Variants in RYR3 observed in about 807,000 individuals in gnomAD.
RYR3 encodes the protein ryanodine receptor 3.
In RYR3, 207 loss-of-function variants were observed where a neutral mutation model predicts 584.3. That is an observed-to-expected ratio of 0.35 (90% confidence interval 0.32 to 0.40). The LOEUF (loss-of-function observed/expected upper bound fraction) is 0.40, where lower values mean the gene tolerates loss of function less well. RYR3 is among the 10% of genes least tolerant of loss of function. The pLI is 1.00. For missense variants in RYR3, 5,616 were observed against 6,089.2 expected, an observed-to-expected ratio of 0.92 and a Z score of 2.59; for synonymous variants, 2,416 against 2,248.5, an observed-to-expected ratio of 1.07 and a Z score of -2.11.
chr15:33,836,841 G>T, intron 87 of RYR3, 65 bp from the exon 88 acceptor site: 1 of 1,320,636 alleles, frequency 7.6e-7, no homozygotes, highest in Non-Finnish European at 1.1e-6. Context: ...GGCTCTTCTC[G>T]CTCACTGCCC....
intron 77 of RYR3, 85 bp from the exon 78 acceptor site, chr15:33,820,671 C>A (rs2077056852): frequency 3.3e-6 from 4 of 1,217,666 alleles, no homozygotes; most frequent in Non-Finnish European, 4.7e-6. Context: ...TACGTCCTGT[C>A]CCCTGCCCTT....
intron 2 of RYR3, among the ~76,000 whole-genome samples, chr15:33,475,809 C>A (rs572148686): frequency 6.6e-6 from 1 of 152,126 alleles, no homozygotes; most frequent in South Asian, 2.1e-4. Flanking sequence ...CAAATGGGTT[C>A]GTAAATCGCC....
At chr15:33,791,236 A>G (rs116885946) in intron 67 of RYR3, among the ~76,000 whole-genome samples, 263 of 152,320 alleles carry the variant, frequency 1.7e-3, no homozygotes, top group African/African-American at 5.8e-3. Flanking sequence ...GAAGGATCCA[A>G]TAGAGATGGG....
At chr15:33,587,414 C>T (rs1029778597) in intron 16 of RYR3, among the ~76,000 whole-genome samples, 2 of 152,168 alleles carry the variant, frequency 1.3e-5, no homozygotes, top group African/African-American at 2.4e-5. Context: ...ATTATTAGAA[C>T]ACATAGTGTA....
intron 38 of RYR3, among the ~76,000 whole-genome samples, chr15:33,684,836 A>G (rs1005563098): frequency 6.6e-6 from 1 of 152,252 alleles, no homozygotes; most frequent in Admixed American, 6.5e-5. Flanking sequence ...ATTTCATTCC[A>G]GCCAAACTAA....
At chr15:33,801,262 C>G (rs912045734) in intron 68 of RYR3, among the ~76,000 whole-genome samples, 22 of 152,168 alleles carry the variant, frequency 1.4e-4, no homozygotes, top group East Asian at 7.7e-4. Flanking sequence ...GAAACGGTGT[C>G]TGAGTTAAGA....
intron 7 of RYR3, 83 bp from the exon 8 acceptor site, chr15:33,543,539 C>A: frequency 1.1e-6 from 1 of 879,058 alleles, no homozygotes; most frequent in Admixed American, 1.7e-5. Context: ...TGGCTCAGAC[C>A]TGTGTGAATT....
intron 64 of RYR3, among the ~76,000 whole-genome samples, chr15:33,778,616 C>A (rs7169875): frequency 0.018 from 2,788 of 152,298 alleles, 94 homozygotes; most frequent in African/African-American, 0.064. Context: ...TGGCCTGGGG[C>A]CTGCCCAGAA....
At chr15:33,316,696 G>A (rs1425562737) in intron 1 of RYR3, among the ~76,000 whole-genome samples, 1 of 152,168 alleles carries the variant, frequency 6.6e-6, no homozygotes, top group Non-Finnish European at 1.5e-5. Context: ...AGAGGCAATA[G>A]TCATTCCAAA....
Position 33,580,176 on chromosome 15 carries a change from T to C in RYR3, c.1437+32T>C, listed in dbSNP as rs1228106955. ...CGAAAAATGAAAAGTTGAAATTCACTTAGTGTCCAGAGCTAGAATATCCCT... is the reference window on the plus strand; with the variant it reads ...CGAAAAATGAAAAGTTGAAATTCACCTAGTGTCCAGAGCTAGAATATCCCT... On this transcript the variant is annotated intron_variant, in intron 13 of 103. Coordinates refer to ENST00000634891, the MANE Select transcript of RYR3 (RefSeq NM_001036.6). 2.0e-6 allele frequency: 3 copies of C among 1,528,466 alleles called. No individual in the cohort carries two copies. In the South Asian group the frequency reaches 3.6e-5, roughly 19 times the overall value. The allele number at this position is 1,528,466 out of a possible 1,614,324, so 94.7% of individuals were successfully genotyped here.
At chr15:33,739,496 G>A (rs1253585219) in intron 50 of RYR3, among the ~76,000 whole-genome samples, 2 of 147,244 alleles carry the variant, frequency 1.4e-5, no homozygotes, top group African/African-American at 2.6e-5. Context: ...ACCATCCTTA[G>A]CAGACAAGTT....
At chr15:33,330,766 A>G (rs1970285302) in intron 1 of RYR3, among the ~76,000 whole-genome samples, 1 of 152,192 alleles carries the variant, frequency 6.6e-6, no homozygotes, top group Non-Finnish European at 1.5e-5. Flanking sequence ...GAGGTACTCT[A>G]GTCCCAGGGT....
At chr15:33,737,229 G>A (rs2069565883) in intron 49 of RYR3, among the ~76,000 whole-genome samples, 1 of 152,178 alleles carries the variant, frequency 6.6e-6, no homozygotes, top group Non-Finnish European at 1.5e-5. Context: ...AAAGTGCTGG[G>A]ATTACAGCAG....
intron 2 of RYR3, among the ~76,000 whole-genome samples, chr15:33,501,332 G>A (rs914818465): frequency 2.0e-5 from 3 of 152,172 alleles, no homozygotes; most frequent in Non-Finnish European, 4.4e-5. Flanking sequence ...ACACAGGAAG[G>A]AAAGCAAGCT....
At chr15:33,313,954 TTA>T (rs775598079) in intron 1 of RYR3, among the ~76,000 whole-genome samples, 5 of 152,218 alleles carry the variant, frequency 3.3e-5, no homozygotes, top group Non-Finnish European at 7.3e-5. Context: ...TGAGCCAGAA[TTA>T]CTGCAGTAAC....
At chr15:33,851,101 C>T (rs908294831) in intron 94 of RYR3, 1 of 152,104 alleles carries the variant, frequency 6.6e-6, no homozygotes, top group Admixed American at 6.5e-5. Flanking sequence ...AAAGCTGTAG[C>T]ATTTTCCATT....
chr15:33,436,609 T>G lies in RYR3; in HGVS notation c.52-36810T>G, dbSNP rs192217492. On this transcript the variant is annotated intron_variant, in intron 1 of 103. Coordinates refer to ENST00000634891, the MANE Select transcript of RYR3 (RefSeq NM_001036.6). ...TCCGCCTCCCGGGTTCACACCATTC[T>G]CCTGCCTCAGGCTCCCAAGTAGCTG... Among the ~76,000 whole-genome samples, 83 of 151,756 alleles carry G rather than the reference T, an allele frequency of 5.5e-4. 1 individual carries two copies. The East Asian group carries it at 0.014, about 26-fold the overall frequency.
rs2049519547 is a variant in RYR3, at chr15:33,477,702, C to CA, written c.171+4165dup. On this transcript the variant is annotated intron_variant, in intron 2 of 103. Coordinates refer to ENST00000634891, the MANE Select transcript of RYR3 (RefSeq NM_001036.6). ...CATCCTGGCTAACACGGTGAAACCC[C>CA]ATCTCTACTAAAAATACAAAAAATT... is the stretch of plus-strand genomic sequence containing the variant. Among the ~76,000 whole-genome samples the CA allele has an allele frequency of 2.7e-5, 4 of 150,708 alleles. No homozygotes were observed. The South Asian group carries it at 8.4e-4, about 31-fold the overall frequency.
intron 1 of RYR3, among the ~76,000 whole-genome samples, chr15:33,328,709 C>T (rs1473331264): frequency 6.6e-6 from 1 of 152,110 alleles, no homozygotes; most frequent in Non-Finnish European, 1.5e-5. Context: ...CTAATATGGT[C>T]ATTTGAATGC....
Sources: allele counts gnomAD v4.1 joint callset (sites outside exome capture counted in the v4.1 genomes callset), GRCh38; gene constraint gnomAD v4.1.1; transcripts MANE v1.5; gene names NCBI Gene and HGNC (gene_info 2026-07-23, HGNC 2026-07-21).